Variants in CECR2 observed in about 807,000 individuals in gnomAD.
CECR2 encodes the protein chromatin remodeling regulator CECR2.
CECR2 carries 30 observed loss-of-function variants against 154.5 expected under a neutral mutation model. The ratio of observed to expected loss-of-function variants is 0.19; its 90% CI spans 0.15 to 0.26. CECR2 has a LOEUF of 0.26. Among genes scored for constraint, CECR2 ranks in the 10% least tolerant of loss-of-function variants. CECR2 has a pLI of 1.00. For synonymous variants in CECR2, 725 were observed against 683.7 expected (o/e 1.06, Z -0.94); for missense variants, 1,743 against 1,829.3 (o/e 0.95, Z 0.86).
At chr22:17,371,919 T>G (rs1195918852) in intron 1 of CECR2, among the ~76,000 whole-genome samples, 2 of 152,206 alleles carry the variant, frequency 1.3e-5, no homozygotes, top group Non-Finnish European at 2.9e-5. Flanking sequence ...AGCAATAAAC[T>G]TGTGGTTTCT....
chr22:17,459,413 A>G (rs1050485672), intron 1 of CECR2, among the ~76,000 whole-genome samples: 3 of 151,702 alleles, frequency 2.0e-5, no homozygotes, highest in Non-Finnish European at 4.4e-5. Context: ...CATCTCAGCC[A>G]CCCGAGTAGC....
intron 2 of CECR2, among the ~76,000 whole-genome samples, chr22:17,484,395 A>G (rs2055383612): frequency 6.6e-6 from 1 of 152,126 alleles, no homozygotes; most frequent in Non-Finnish European, 1.5e-5. Context: ...CTCTGTCACT[A>G]TGAAAGCAGC....
chr22:17,472,670 A>G (rs1461937414), intron 1 of CECR2, among the ~76,000 whole-genome samples: 1 of 152,216 alleles, frequency 6.6e-6, no homozygotes, highest in Non-Finnish European at 1.5e-5. Flanking sequence ...CTTAATCAGA[A>G]GTTGAAGAAA....
At chr22:17,474,197 C>T (rs1272966186) in intron 1 of CECR2, among the ~76,000 whole-genome samples, 2 of 152,128 alleles carry the variant, frequency 1.3e-5, no homozygotes, top group Non-Finnish European at 2.9e-5. Flanking sequence ...GTCTTCATCA[C>T]CTCACAAGTT....
At chr22:17,463,062 A>G (rs376354025) in intron 1 of CECR2, among the ~76,000 whole-genome samples, 2 of 152,372 alleles carry the variant, frequency 1.3e-5, no homozygotes, top group East Asian at 3.9e-4. Flanking sequence ...TAGGTTAGTT[A>G]GAAAAATAAA....
intron 1 of CECR2, among the ~76,000 whole-genome samples, chr22:17,374,116 G>T (rs1464957065): frequency 6.6e-6 from 1 of 152,186 alleles, no homozygotes; most frequent in African/African-American, 2.4e-5. Context: ...AAATGGTCGT[G>T]TAGAATTATT....
chr22:17,478,425 G>A (rs1394364053), intron 2 of CECR2, among the ~76,000 whole-genome samples: 3 of 139,602 alleles, frequency 2.1e-5, no homozygotes, highest in Non-Finnish European at 4.5e-5. Flanking sequence ...GCGCAATCCC[G>A]GCTCACTGCA....
At chr22:17,503,526 T>G (rs1175158209) in intron 6 of CECR2, among the ~76,000 whole-genome samples, 1 of 152,174 alleles carries the variant, frequency 6.6e-6, no homozygotes, top group African/African-American at 2.4e-5. Flanking sequence ...AACATAAAAA[T>G]GGGAGGCACA....
rs531876113 is a variant in CECR2 at position 17,517,672 on chromosome 22, G to A, written c.954+5776G>A. On this transcript the variant is annotated intron_variant, in intron 8 of 18. Coordinates refer to ENST00000262608, the MANE Select transcript of CECR2 (RefSeq NM_001290047.2). ...AAGGTTCATACACTGAAGCCAGTAC[G>A]TATACCTAGCATTGCTTTTCAGCCT... Among the ~76,000 whole-genome samples the A allele has an allele frequency of 5.3e-5, 8 of 152,184 alleles. No individual in the cohort carries two copies. In the South Asian group the frequency reaches 1.4e-3, roughly 28 times the overall value.
intron 1 of CECR2, among the ~76,000 whole-genome samples, chr22:17,447,934 TTG>T (rs2054703235): frequency 6.6e-6 from 1 of 152,176 alleles, no homozygotes; most frequent in South Asian, 2.1e-4. Flanking sequence ...GGCTGCTGTG[TTG>T]GACAGTGCAA....
intron 1 of CECR2, among the ~76,000 whole-genome samples, chr22:17,371,009 C>T (rs1388306566): frequency 6.6e-6 from 1 of 152,170 alleles, no homozygotes; most frequent in Non-Finnish European, 1.5e-5. Flanking sequence ...ATTAGAGCCA[C>T]TCTTTTGGAA....
At chr22:17,382,623 G>A (rs2063211744) in intron 1 of CECR2, among the ~76,000 whole-genome samples, 1 of 152,192 alleles carries the variant, frequency 6.6e-6, no homozygotes, top group African/African-American at 2.4e-5. Context: ...AAATATTTTA[G>A]GCTGGGCACA....
At chr22:17,458,708 G>C (rs1601393432) in intron 1 of CECR2, among the ~76,000 whole-genome samples, 1 of 152,200 alleles carries the variant, frequency 6.6e-6, no homozygotes, top group East Asian at 1.9e-4. Flanking sequence ...ATCATGCAAG[G>C]AAGAATTAAA....
At position 17,395,869 on chromosome 22, in the gene CECR2, A is replaced by G. The variant is rs181066313; in HGVS notation, c.126+25960A>G. Among the ~76,000 whole-genome samples, 1,211 of 152,024 alleles carry G rather than the reference A, an allele frequency of 8.0e-3. 16 individuals are homozygous for G. Among genetic ancestry groups the G allele is most frequent in the African/African-American group, 0.028 (1,160 of 41,394 alleles). On this transcript the variant is annotated intron_variant, in intron 1 of 18. Coordinates refer to ENST00000262608, the MANE Select transcript of CECR2 (RefSeq NM_001290047.2). ...TTATATTATTGATTAGAAATAATTT[A>G]TTTGCATTAATAAAAGTATCATGAA...
Position 17,552,143 on chromosome 22 carries a change from G to T in CECR2, c.4389+1G>T. 6.2e-7 allele frequency: 1 copy of T among 1,613,028 alleles called. No homozygotes were observed. Among genetic ancestry groups the T allele is most frequent in the Non-Finnish European group, 8.5e-7 (1 of 1,179,038 alleles). On this transcript the variant is annotated splice_donor_variant, in intron 18 of 18. Coordinates refer to ENST00000262608, the MANE Select transcript of CECR2 (RefSeq NM_001290047.2). LOFTEE classifies it high-confidence loss of function. ...GCCTCCAACACTTCCCCTGGATCAGGTAAGGATCACTAAAAATTAGAGCTG... is the reference window on the plus strand; with the variant it reads ...GCCTCCAACACTTCCCCTGGATCAGTTAAGGATCACTAAAAATTAGAGCTG...
intron 1 of CECR2, among the ~76,000 whole-genome samples, chr22:17,394,391 T>C (rs2053777512): frequency 1.3e-5 from 2 of 151,644 alleles, no homozygotes; most frequent in African/African-American, 4.9e-5. Flanking sequence ...TTTTTTTTTG[T>C]AGAGACAGGG....
At chr22:17,480,905 T>A (rs942997242) in intron 2 of CECR2, among the ~76,000 whole-genome samples, 6 of 151,338 alleles carry the variant, frequency 4.0e-5, no homozygotes, top group Non-Finnish European at 7.4e-5. Flanking sequence ...CCAGGCGTGG[T>A]GGTGCACGCC....
intron 9 of CECR2, 119 bp downstream of exon 9, chr22:17,524,390 T>A: frequency 3.5e-4 from 243 of 686,534 alleles, no homozygotes; most frequent in Middle Eastern, 1.6e-3. Flanking sequence ...GCAATTTCTT[T>A]TTTTTTTTTT....
intron 2 of CECR2, among the ~76,000 whole-genome samples, chr22:17,479,859 G>T (rs2055276741): frequency 2.0e-5 from 3 of 150,334 alleles, no homozygotes; most frequent in Non-Finnish European, 4.4e-5. Context: ...CCTCAACCTG[G>T]GCTCTAGCAG....
Sources: allele counts gnomAD v4.1 joint callset (sites outside exome capture counted in the v4.1 genomes callset), GRCh38; gene constraint gnomAD v4.1.1; transcripts MANE v1.5; gene names NCBI Gene and HGNC (gene_info 2026-07-23, HGNC 2026-07-21).